MSI2: variants seen among roughly 807,000 people sequenced by gnomAD.
The protein encoded by MSI2 is RNA-binding protein Musashi homolog 2.
Under a neutral mutation model 45.6 loss-of-function variants are expected in MSI2, and 17 were observed. The ratio of observed to expected loss-of-function variants is 0.37; its 90% CI spans 0.26 to 0.56. The LOEUF (loss-of-function observed/expected upper bound fraction) is 0.56, where lower values mean the gene tolerates loss of function less well. Ranked by LOEUF, MSI2 falls within the 20% of genes least tolerant of loss-of-function variation. MSI2 has a pLI of 0.77. For synonymous variants in MSI2, 156 were observed against 158.2 expected, an observed-to-expected ratio of 0.99 and a Z score of 0.11; for missense variants, 293 against 444.2, an observed-to-expected ratio of 0.66 and a Z score of 3.06.
intron 11 of MSI2, among the ~76,000 whole-genome samples, chr17:57,659,442 A>G (rs933016734): frequency 4.6e-5 from 7 of 152,126 alleles, no homozygotes; most frequent in Non-Finnish European, 8.8e-5. Flanking sequence ...GTATATTACC[A>G]TAGCCACCCT....
rs556928107 is a variant in MSI2 at position 57,652,318 on chromosome 17, G to A, written c.790+157G>A. Among the ~76,000 whole-genome samples, 13 of 152,194 alleles carry A rather than the reference G, an allele frequency of 8.5e-5. No individual in the cohort carries two copies. The highest frequency in any genetic ancestry group is 6.2e-4 in the South Asian group (3 of 4,818). ...ACGGGGAGGGGGTGGACCGGGAGGC[G>A]CGGGCAAGGCCTGGCCACCCAGGGC... is the stretch of plus-strand genomic sequence containing the variant. On this transcript the variant is annotated intron_variant, in intron 11 of 13. Transcript: ENST00000284073. This position sits in a 1 kb window ranked among gnomAD's most constrained non-coding sequence, Gnocchi z 4.1.
chr17:57,357,376 G>T (rs1287066659), intron 5 of MSI2, among the ~76,000 whole-genome samples: 1 of 152,144 alleles, frequency 6.6e-6, no homozygotes, highest in Non-Finnish European at 1.5e-5. Flanking sequence ...TAGGAAGTGG[G>T]TGGTGTGGTG....
At chr17:57,446,255 G>C (rs1275457949) in intron 6 of MSI2, among the ~76,000 whole-genome samples, 7 of 152,174 alleles carry the variant, frequency 4.6e-5, no homozygotes, top group Admixed American at 4.6e-4. Flanking sequence ...CCATGCAGTT[G>C]CCAAGGCAAG....
Position 57,652,721 on chromosome 17 carries a change from C to T in MSI2, c.790+560C>T, listed in dbSNP as rs72834959. On this transcript the variant is annotated intron_variant, in intron 11 of 13. Transcript: ENST00000284073. The surrounding 1 kb of genome is among the most constrained non-coding windows in gnomAD (Gnocchi z 4.1). ...CTCCCAGACTCTTCTTAGCCAGACT[C>T]CTCAGCTCCAGCTGCCAAGGGAATT... 0.077 allele frequency among the ~76,000 whole-genome samples: 11,757 copies of T among 152,218 alleles called. 1,328 individuals are homozygous for T. Among genetic ancestry groups the T allele is most frequent in the African/African-American group, 0.25 (10,301 of 41,476 alleles).
chr17:57,282,658 A>G (rs1329410742), intron 5 of MSI2, among the ~76,000 whole-genome samples: 1 of 151,966 alleles, frequency 6.6e-6, no homozygotes, highest in African/African-American at 2.4e-5. Flanking sequence ...ATAGGGGAGA[A>G]ATATTTTAGC....
intron 5 of MSI2, among the ~76,000 whole-genome samples, chr17:57,371,012 G>A (rs923014188): frequency 1.3e-5 from 2 of 152,126 alleles, no homozygotes; most frequent in Middle Eastern, 3.2e-3. Flanking sequence ...TTATATAGTC[G>A]CTCTTTTATA....
At chr17:57,338,400 A>AT (rs1914860724) in intron 5 of MSI2, among the ~76,000 whole-genome samples, 2 of 151,994 alleles carry the variant, frequency 1.3e-5, no homozygotes, top group South Asian at 4.1e-4. Flanking sequence ...GTTTTATTTT[A>AT]TTTTTTGAGA....
chr17:57,352,082 C>A (rs868557686), intron 5 of MSI2, among the ~76,000 whole-genome samples: 1 of 152,316 alleles, frequency 6.6e-6, no homozygotes, highest in Non-Finnish European at 1.5e-5. Context: ...GGATATAAGT[C>A]GCAGGAAAGT....
chr17:57,690,026 G>T, the MSI2 span, among the ~76,000 whole-genome samples: 24 of 152,112 alleles, frequency 1.6e-4, no homozygotes, highest in African/African-American at 5.6e-4. Context: ...GGGTCATATG[G>T]CAAGCATATA....
intron 6 of MSI2, among the ~76,000 whole-genome samples, chr17:57,521,416 G>A (rs773599411): frequency 2.6e-5 from 4 of 151,732 alleles, no homozygotes; most frequent in African/African-American, 9.7e-5. Context: ...GTGGTGATGG[G>A]AAAAAAAACA....
At chr17:57,334,329 T>C (rs1914517823) in intron 5 of MSI2, among the ~76,000 whole-genome samples, 2 of 152,148 alleles carry the variant, frequency 1.3e-5, no homozygotes, top group Non-Finnish European at 2.9e-5. Context: ...TCCTCTGCCA[T>C]CTGGGTAGGT....
chr17:57,493,878 G>A (rs919153226), intron 6 of MSI2, among the ~76,000 whole-genome samples: 6 of 152,068 alleles, frequency 3.9e-5, no homozygotes, highest in South Asian at 2.1e-4. Context: ...TGAGGTAGGC[G>A]GAGCAGGGAA....
At chr17:57,310,803 C>T (rs1289986047) in intron 5 of MSI2, among the ~76,000 whole-genome samples, 1 of 152,118 alleles carries the variant, frequency 6.6e-6, no homozygotes, top group Non-Finnish European at 1.5e-5. Flanking sequence ...GAGGTTGGTC[C>T]TAGAGAGGCC....
intron 11 of MSI2, among the ~76,000 whole-genome samples, chr17:57,670,731 T>C (rs935397486): frequency 6.6e-6 from 1 of 152,244 alleles, no homozygotes; most frequent in African/African-American, 2.4e-5. Context: ...TCCTGATTCA[T>C]ATGGCAAGTG....
At chr17:57,555,858 A>G (rs1438851490) in intron 7 of MSI2, among the ~76,000 whole-genome samples, 1 of 152,010 alleles carries the variant, frequency 6.6e-6, no homozygotes, top group African/African-American at 2.4e-5. Flanking sequence ...TCACACAACT[A>G]CCTTCCTGGG....
intron 8 of MSI2, among the ~76,000 whole-genome samples, chr17:57,606,813 G>C (rs964370015): frequency 6.6e-6 from 1 of 152,044 alleles, no homozygotes; most frequent in African/African-American, 2.4e-5. Context: ...GCTAGCATCG[G>C]GAAAGGCTTT....
intron 8 of MSI2, among the ~76,000 whole-genome samples, chr17:57,614,499 A>G (rs1426033060): frequency 2.6e-5 from 4 of 152,208 alleles, no homozygotes; most frequent in Non-Finnish European, 4.4e-5. Context: ...TTCCTATACC[A>G]TATGGCCCAG....
chr17:57,388,527 G>A lies in MSI2; in HGVS notation c.313-12852G>A, dbSNP rs551307883. ...CTGGTGGGGGAGCTAATCCTAGCCC[G>A]CATGCGGGTTGCTTAGGACTGCTGT... On this transcript the variant is annotated intron_variant, in intron 5 of 13. Transcript: ENST00000284073. Among the ~76,000 whole-genome samples the A allele has an allele frequency of 3.2e-4, 48 of 152,308 alleles. 2 individuals are homozygous for A. Among genetic ancestry groups the A allele is most frequent in the African/African-American group, 1.1e-3 (45 of 41,562 alleles).
At chr17:57,490,890 C>CT (rs1221257089) in intron 6 of MSI2, among the ~76,000 whole-genome samples, 41 of 69,536 alleles carry the variant, frequency 5.9e-4, no homozygotes, top group African/African-American at 2.2e-3. Context: ...TTCTTCCCCT[C>CT]TGTTTTTTTC....
Sources: gnomAD v4.1 joint callset for allele counts (sites outside exome capture counted in the v4.1 genomes callset) on GRCh38, gnomAD v4.1.1 for gene constraint, Gnocchi (gnomAD v3.1) non-coding constraint, MANE v1.5 for transcripts, NCBI Gene and HGNC (gene_info 2026-07-23, HGNC 2026-07-21) for gene names.